CDH4: variants seen among roughly 807,000 people sequenced by gnomAD.
The protein encoded by CDH4 is cadherin-4.
In CDH4, 33 loss-of-function variants were observed where a neutral mutation model predicts 86.0. The ratio of observed to expected loss-of-function variants is 0.38; its 90% CI spans 0.29 to 0.51. CDH4 has a LOEUF of 0.51. CDH4 is among the 20% of genes least tolerant of loss of function. The probability of loss-of-function intolerance (pLI) is 0.86; values close to 1 mark genes in which losing one functional copy is unlikely to be tolerated. For synonymous variants in CDH4, 555 were observed against 549.4 expected (o/e 1.01, Z -0.14); for missense variants, 1,114 against 1,307.4 (o/e 0.85, Z 2.28).
intron 2 of CDH4, among the ~76,000 whole-genome samples, chr20:61,678,397 GTAA>G (rs2087470775): frequency 6.6e-6 from 1 of 152,200 alleles, no homozygotes; most frequent in South Asian, 2.1e-4. Flanking sequence ...TCTGAAGATG[GTAA>G]CTGGGTAATT....
chr20:61,328,826 T>C (rs2084551791), intron 2 of CDH4, among the ~76,000 whole-genome samples: 2 of 152,194 alleles, frequency 1.3e-5, no homozygotes, highest in Non-Finnish European at 2.9e-5. Context: ...AAAAAATAGT[T>C]TGCTCAAGGA....
intron 2 of CDH4, among the ~76,000 whole-genome samples, chr20:61,418,607 T>A (rs1461826673): frequency 6.6e-6 from 1 of 152,200 alleles, no homozygotes; most frequent in Non-Finnish European, 1.5e-5. Flanking sequence ...TGGCACTTGC[T>A]CTACAGCCCA....
intron 2 of CDH4, chr20:61,719,507 C>G (rs2088006692): frequency 4.7e-6 from 1 of 211,110 alleles, no homozygotes; most frequent in African/African-American, 2.3e-5. Context: ...CCTCCCAACC[C>G]AAAGAGAGAT....
chr20:61,387,417 C>CA (rs775542718), intron 2 of CDH4, among the ~76,000 whole-genome samples: 8 of 137,132 alleles, frequency 5.8e-5, no homozygotes, highest in Non-Finnish European at 9.4e-5. Context: ...CACAAACACA[C>CA]AGAGACACAC....
intron 2 of CDH4, among the ~76,000 whole-genome samples, chr20:61,379,358 C>T (rs1246372645): frequency 6.6e-6 from 1 of 151,906 alleles, no homozygotes; most frequent in African/African-American, 2.4e-5. Flanking sequence ...GCATGGAGTC[C>T]CCTTAATTGA....
intron 2 of CDH4, among the ~76,000 whole-genome samples, chr20:61,282,573 A>G (rs7354586): frequency 0.077 from 10,326 of 133,966 alleles, 496 homozygotes; most frequent in Non-Finnish European, 0.11. Flanking sequence ...GTGTGTGTGT[A>G]TGTCTATCTG....
At chr20:61,569,697 C>T (rs367562011) in intron 2 of CDH4, among the ~76,000 whole-genome samples, 10 of 151,536 alleles carry the variant, frequency 6.6e-5, no homozygotes, top group African/African-American at 1.9e-4. Context: ...TTTTTTGAGG[C>T]GGCGACCTCC....
intron 4 of CDH4, among the ~76,000 whole-genome samples, chr20:61,839,878 TGTG>T (rs1982078197): frequency 6.6e-6 from 1 of 151,576 alleles, no homozygotes; most frequent in Admixed American, 6.6e-5. Context: ...TGTGTGCTTG[TGTG>T]GTGTGTGTGT....
At chr20:61,343,802 C>T (rs547369138) in intron 2 of CDH4, among the ~76,000 whole-genome samples, 5 of 152,220 alleles carry the variant, frequency 3.3e-5, no homozygotes, top group African/African-American at 9.6e-5. Context: ...ATTTTAGGCT[C>T]GAAGCCCCAA....
chr20:61,410,059 G>A (rs1175617591), intron 2 of CDH4, among the ~76,000 whole-genome samples: 2 of 152,264 alleles, frequency 1.3e-5, no homozygotes, highest in Non-Finnish European at 2.9e-5. Flanking sequence ...CAACCAGTCT[G>A]AATCCTGACA....
chr20:61,722,083 G>A (rs1007941067), intron 2 of CDH4, among the ~76,000 whole-genome samples: 3 of 152,168 alleles, frequency 2.0e-5, no homozygotes, highest in African/African-American at 7.2e-5. Flanking sequence ...GATTTAGGAA[G>A]CCTTTGCAGA....
At chr20:61,788,367 G>A (rs894904847) in intron 4 of CDH4, among the ~76,000 whole-genome samples, 2 of 152,200 alleles carry the variant, frequency 1.3e-5, no homozygotes, top group African/African-American at 4.8e-5. Context: ...AGACAGGGTG[G>A]GGATAAGGCA....
At position 61,364,565 on chromosome 20, in the gene CDH4, G is replaced by T. The variant is rs575075130; in HGVS notation, c.169+109628G>T. Reference sequence around the variant, plus strand: ...GGGGGGTTCCAAGTGGGACCTTGAGGTCCACCTAGCCAGGTCACAGCTCAC... The same window carrying T: ...GGGGGGTTCCAAGTGGGACCTTGAGTTCCACCTAGCCAGGTCACAGCTCAC... On this transcript the variant is annotated intron_variant, in intron 2 of 15. Coordinates refer to ENST00000614565, the MANE Select transcript of CDH4 (RefSeq NM_001794.5). 5.9e-5 allele frequency among the ~76,000 whole-genome samples: 9 copies of T among 152,296 alleles called. No individual in the cohort carries two copies. In the East Asian group the frequency reaches 1.7e-3, roughly 29 times the overall value.
At chr20:61,565,132 T>C (rs1449270306) in intron 2 of CDH4, among the ~76,000 whole-genome samples, 47 of 137,424 alleles carry the variant, frequency 3.4e-4, no homozygotes, top group African/African-American at 1.1e-3. Context: ...TTGGTGGTGC[T>C]GGTCCTCTTG....
At position 61,358,902 on chromosome 20, in the gene CDH4, C is replaced by CG. The variant is rs527286785; in HGVS notation, c.169+103972dup. 6.6e-5 allele frequency among the ~76,000 whole-genome samples: 10 copies of CG among 152,140 alleles called. No individual in the cohort carries two copies. In the South Asian group the frequency reaches 1.5e-3, roughly 22 times the overall value. On this transcript the variant is annotated intron_variant, in intron 2 of 15. Transcript: ENST00000614565. ...CACCGTCAGTTTCAGCCCAGGGTGACGGGGGGGTTTACTCCGTGATTCACC... is the reference window on the plus strand; with the variant it reads ...CACCGTCAGTTTCAGCCCAGGGTGACGGGGGGGGTTTACTCCGTGATTCACC...
intron 2 of CDH4, chr20:61,437,572 C>T (rs2085291019): frequency 6.6e-6 from 1 of 152,232 alleles, no homozygotes; most frequent in Non-Finnish European, 1.5e-5. Context: ...ACACACCGCC[C>T]TCTCAGGGAG....
Position 61,510,465 on chromosome 20 carries a change from G to T in CDH4, c.170-233098G>T, listed in dbSNP as rs1018355728. Among the ~76,000 whole-genome samples, 3 of 152,166 alleles carry T rather than the reference G, an allele frequency of 2.0e-5. No individual in the cohort carries two copies. Among genetic ancestry groups the T allele is most frequent in the Non-Finnish European group, 2.9e-5 (2 of 68,044 alleles). ...GGATACGTTTACTATCGGAATGCCC[G>T]CATGCCTGCTGGGCTGATGGCATCC... is the stretch of plus-strand genomic sequence containing the variant. On this transcript the variant is annotated intron_variant, in intron 2 of 15. Transcript: ENST00000614565. The surrounding 1 kb of genome is among the most constrained non-coding windows in gnomAD (Gnocchi z 4.2).
intron 2 of CDH4, among the ~76,000 whole-genome samples, chr20:61,302,905 G>A (rs2084393724): frequency 6.6e-6 from 1 of 152,182 alleles, no homozygotes; most frequent in Non-Finnish European, 1.5e-5. Context: ...AGGAGAAAAT[G>A]TGAGGAGGGA....
chr20:61,559,253 G>C (rs974048539), intron 2 of CDH4, among the ~76,000 whole-genome samples: 1 of 152,122 alleles, frequency 6.6e-6, no homozygotes, highest in Middle Eastern at 3.2e-3. Flanking sequence ...GGGAAACGGA[G>C]GTTGCAGTAA....
Sources: gnomAD v4.1 joint callset for allele counts (sites outside exome capture counted in the v4.1 genomes callset) on GRCh38, gnomAD v4.1.1 for gene constraint, Gnocchi (gnomAD v3.1) non-coding constraint, MANE v1.5 for transcripts, NCBI Gene and HGNC (gene_info 2026-07-23, HGNC 2026-07-21) for gene names.